Variants in DOCK10 observed in about 807,000 individuals in gnomAD.
DOCK10 encodes dedicator of cytokinesis protein 10.
In DOCK10, 145 loss-of-function variants were observed where a neutral mutation model predicts 280.1. The ratio of observed to expected loss-of-function variants is 0.52; its 90% CI spans 0.45 to 0.59. The LOEUF (loss-of-function observed/expected upper bound fraction) is 0.59, where lower values mean the gene tolerates loss of function less well. DOCK10 is among the 20% of genes least tolerant of loss of function. DOCK10 has a pLI of 0.00. For missense variants in DOCK10, 2,368 were observed against 2,651.7 expected (o/e 0.89, Z 2.35); for synonymous variants, 915 against 942.2 (o/e 0.97, Z 0.53).
chr2:224,923,404 T>G (rs1036495639), intron 2 of DOCK10, among the ~76,000 whole-genome samples: 12 of 152,344 alleles, frequency 7.9e-5, no homozygotes, highest in Admixed American at 7.2e-4. Context: ...TCTCATCTCC[T>G]CTAAAGAGGT....
chr2:224,815,883 A>G (rs1415657923), intron 30 of DOCK10, among the ~76,000 whole-genome samples: 1 of 151,782 alleles, frequency 6.6e-6, no homozygotes, highest in East Asian at 1.9e-4. Context: ...TAAAAATACC[A>G]AAATTAGCCA....
intron 4 of DOCK10, among the ~76,000 whole-genome samples, chr2:224,893,820 G>A (rs1448564527): frequency 6.6e-6 from 1 of 152,088 alleles, no homozygotes; most frequent in African/African-American, 2.4e-5. Flanking sequence ...AGACATAGGA[G>A]AATTCTTCTA....
intron 1 of DOCK10, among the ~76,000 whole-genome samples, chr2:224,952,271 A>G (rs1168804665): frequency 6.6e-6 from 1 of 152,192 alleles, no homozygotes; most frequent in Non-Finnish European, 1.5e-5. Context: ...TTTTAATTTT[A>G]ACATCAAGGA....
chr2:224,951,584 T>C (rs892501389), intron 1 of DOCK10, among the ~76,000 whole-genome samples: 1 of 152,246 alleles, frequency 6.6e-6, no homozygotes, highest in African/African-American at 2.4e-5. Flanking sequence ...GAAAAAGTTC[T>C]GGCAATCTGT....
chr2:224,918,706 G>A (rs971362270), intron 2 of DOCK10, among the ~76,000 whole-genome samples: 2 of 151,276 alleles, frequency 1.3e-5, no homozygotes, highest in Non-Finnish European at 3.0e-5. Flanking sequence ...GTGCAATTGA[G>A]TGTAGTGTGT....
At chr2:224,773,038 G>A (rs1690560488) in intron 53 of DOCK10, 119 bp downstream of exon 53, 1 of 914,928 alleles carries the variant, frequency 1.1e-6, no homozygotes, top group South Asian at 2.2e-5. Context: ...AGATAAAGGT[G>A]TTCTATTCTC....
At chr2:224,843,971 A>G (rs1696156736) in intron 22 of DOCK10, among the ~76,000 whole-genome samples, 1 of 152,308 alleles carries the variant, frequency 6.6e-6, no homozygotes, top group South Asian at 2.1e-4. Flanking sequence ...AGGATATCAG[A>G]GGTAAAGTGA....
At chr2:224,992,474 C>T (rs889540568) in intron 1 of DOCK10, among the ~76,000 whole-genome samples, 1 of 152,208 alleles carries the variant, frequency 6.6e-6, no homozygotes, top group African/African-American at 2.4e-5. Flanking sequence ...TGGTGCAAAG[C>T]ACCCAGCTCC....
At chr2:224,880,937 ACT>A (rs57970567) in intron 7 of DOCK10, among the ~76,000 whole-genome samples, 27,559 of 151,816 alleles carry the variant, frequency 0.18, 4,209 homozygotes, top group African/African-American at 0.43. Context: ...AATCCTCTCC[ACT>A]CTCTGTAGGT....
chr2:224,800,776 A>G (rs963103291), intron 40 of DOCK10, among the ~76,000 whole-genome samples: 3 of 152,214 alleles, frequency 2.0e-5, no homozygotes, highest in African/African-American at 7.2e-5. Flanking sequence ...AATATGAGTG[A>G]CAATGGCCTG....
intron 1 of DOCK10, among the ~76,000 whole-genome samples, chr2:224,938,081 GT>G (rs1467415240): frequency 1.3e-5 from 2 of 152,186 alleles, no homozygotes; most frequent in African/African-American, 4.8e-5. Context: ...GGTTGCTCTA[GT>G]TTTGTCTACC....
chr2:225,031,244 T>C (rs1289729896), intron 1 of DOCK10, among the ~76,000 whole-genome samples: 1 of 152,204 alleles, frequency 6.6e-6, no homozygotes, highest in Non-Finnish European at 1.5e-5. Flanking sequence ...TGAAAGGTTA[T>C]CTCTAGCACA....
At chr2:224,885,482 T>G (rs1699224393) in intron 7 of DOCK10, among the ~76,000 whole-genome samples, 189 bp downstream of exon 7, 1 of 152,242 alleles carries the variant, frequency 6.6e-6, no homozygotes. Context: ...TGTCTTTGCT[T>G]AATTCCTGTT....
chr2:224,784,182 T>C (rs1165528816), intron 50 of DOCK10, among the ~76,000 whole-genome samples: 1 of 152,254 alleles, frequency 6.6e-6, no homozygotes, highest in Non-Finnish European at 1.5e-5. Context: ...TCATCTTTTA[T>C]GTTTGGAATT....
At chr2:224,796,213 AC>A in intron 44 of DOCK10, 102 bp downstream of exon 44, 1 of 766,788 alleles carries the variant, frequency 1.3e-6, no homozygotes, top group South Asian at 1.7e-5. Context: ...ACAGGCGTGA[AC>A]CACTGTACCC....
chr2:224,997,961 T>C (rs1706320196), intron 1 of DOCK10, among the ~76,000 whole-genome samples: 1 of 152,042 alleles, frequency 6.6e-6, no homozygotes, highest in Admixed American at 6.6e-5. Flanking sequence ...GGCATGGAGA[T>C]ATAAACAACA....
intron 1 of DOCK10, among the ~76,000 whole-genome samples, chr2:224,959,437 CTT>C (rs55894832): frequency 0.34 from 47,912 of 142,210 alleles, 7,868 homozygotes; most frequent in Middle Eastern, 0.36. Flanking sequence ...TTATTATTTT[CTT>C]TTTTTTTTTT....
chr2:224,906,006 C>G (rs983183350), intron 3 of DOCK10, among the ~76,000 whole-genome samples: 51 of 152,112 alleles, frequency 3.4e-4, no homozygotes, highest in African/African-American at 1.2e-3. Flanking sequence ...CTTCTTGGAT[C>G]TCTCTCTGCA....
intron 45 of DOCK10, among the ~76,000 whole-genome samples, chr2:224,794,651 C>T (rs1247623350): frequency 2.6e-5 from 4 of 152,230 alleles, no homozygotes; most frequent in Non-Finnish European, 5.9e-5. Flanking sequence ...AATTTCTACA[C>T]CTGCAGTTGC....
Sources: gnomAD v4.1 joint callset for allele counts (sites outside exome capture counted in the v4.1 genomes callset) on GRCh38, gnomAD v4.1.1 for gene constraint, MANE v1.5 for transcripts, NCBI Gene and HGNC (gene_info 2026-07-23, HGNC 2026-07-21) for gene names.